Variants in CCNY observed in about 807,000 individuals in gnomAD.
CCNY encodes cyclin-Y.
Under a neutral mutation model 42.8 loss-of-function variants are expected in CCNY, and 19 were observed. The ratio of observed to expected loss-of-function variants is 0.44; its 90% CI spans 0.31 to 0.65. The LOEUF (loss-of-function observed/expected upper bound fraction) is 0.65. Ranked by LOEUF, CCNY falls within the 30% of genes least tolerant of loss-of-function variation. CCNY has a pLI of 0.07. For missense variants in CCNY, 370 were observed against 437.3 expected (o/e 0.85, Z 1.37); for synonymous variants, 165 against 162.7 (o/e 1.01, Z -0.11).
chr10:35,279,062 G>A (rs1258458694), intron 3 of CCNY, among the ~76,000 whole-genome samples: 1 of 150,392 alleles, frequency 6.6e-6, no homozygotes, highest in African/African-American at 2.5e-5. Flanking sequence ...TGTTAGAGTC[G>A]TGATTAAAAC....
At chr10:35,406,189 TTTTC>T (rs1837757819) in intron 1 of CCNY, among the ~76,000 whole-genome samples, 1 of 147,548 alleles carries the variant, frequency 6.8e-6, no homozygotes, top group Non-Finnish European at 1.5e-5. Context: ...TTCTTTTTTT[TTTTC>T]TTTTTTATTT....
chr10:35,283,194 TG>T (rs1835316630), intron 3 of CCNY, among the ~76,000 whole-genome samples: 2 of 152,302 alleles, frequency 1.3e-5, no homozygotes, highest in South Asian at 4.1e-4. Context: ...TGACACTAGA[TG>T]ATAAAAACTA....
At chr10:35,266,493 C>G (rs2095725675) in intron 3 of CCNY, among the ~76,000 whole-genome samples, 2 of 151,994 alleles carry the variant, frequency 1.3e-5, no homozygotes, top group Admixed American at 6.6e-5. Context: ...CATTCTCTCT[C>G]TCACGCGTGG....
At chr10:35,388,819 C>T (rs1837349828) in intron 1 of CCNY, among the ~76,000 whole-genome samples, 1 of 152,194 alleles carries the variant, frequency 6.6e-6, no homozygotes, top group Non-Finnish European at 1.5e-5. Context: ...TGGAGGCTCT[C>T]AGGGAGAATC....
At chr10:35,453,301 A>G (rs934896277) in intron 1 of CCNY, among the ~76,000 whole-genome samples, 1 of 152,230 alleles carries the variant, frequency 6.6e-6, no homozygotes, top group Non-Finnish European at 1.5e-5. Flanking sequence ...CCAATTACAA[A>G]TGTATTGAAC....
At chr10:35,294,901 A>T (rs1451993107) in intron 3 of CCNY, among the ~76,000 whole-genome samples, 1 of 152,208 alleles carries the variant, frequency 6.6e-6, no homozygotes, top group Non-Finnish European at 1.5e-5. Flanking sequence ...TTTTCTGATG[A>T]TTAATTTAAT....
intron 1 of CCNY, among the ~76,000 whole-genome samples, chr10:35,342,556 CCA>C (rs1408310843): frequency 6.6e-6 from 1 of 152,002 alleles, no homozygotes; most frequent in African/African-American, 2.4e-5. Flanking sequence ...TCGTTTGCTT[CCA>C]CACACCCATT....
chr10:35,409,765 A>G (rs1035247695), intron 1 of CCNY, among the ~76,000 whole-genome samples: 3 of 152,130 alleles, frequency 2.0e-5, no homozygotes, highest in Non-Finnish European at 2.9e-5. Context: ...GTTTTGTTTT[A>G]TTTTGTTGAG....
intron 7 of CCNY, among the ~76,000 whole-genome samples, chr10:35,532,682 G>T (rs1246888249): frequency 6.6e-6 from 1 of 152,192 alleles, no homozygotes; most frequent in East Asian, 1.9e-4. Context: ...TGTACCTGCA[G>T]CAGCTGGAGG....
intron 3 of CCNY, among the ~76,000 whole-genome samples, chr10:35,252,733 C>T (rs1210860598): frequency 3.3e-5 from 5 of 152,010 alleles, no homozygotes; most frequent in African/African-American, 4.8e-5. Context: ...GTAAATAAAG[C>T]GGCTTGATAT....
chr10:35,408,180 G>T (rs565031298), intron 1 of CCNY, among the ~76,000 whole-genome samples: 24 of 152,298 alleles, frequency 1.6e-4, no homozygotes, highest in African/African-American at 5.5e-4. Context: ...ATGTTCCTTG[G>T]GCTGGTTAGT....
chr10:35,520,635 C>T (rs566736653), intron 4 of CCNY, among the ~76,000 whole-genome samples: 2 of 152,208 alleles, frequency 1.3e-5, no homozygotes, highest in Admixed American at 6.5e-5. Flanking sequence ...CAGAAATAAA[C>T]GTATTTGCAA....
intron 2 of CCNY, among the ~76,000 whole-genome samples, chr10:35,501,124 G>A (rs1190748774): frequency 1.3e-5 from 2 of 152,218 alleles, no homozygotes; most frequent in East Asian, 3.9e-4. Flanking sequence ...GAGCTTTATG[G>A]GTCTGGTAGG....
At chr10:35,293,092 A>G (rs1835434297) in intron 3 of CCNY, among the ~76,000 whole-genome samples, 1 of 152,096 alleles carries the variant, frequency 6.6e-6, no homozygotes, top group Admixed American at 6.6e-5. Context: ...TTATCCTCTA[A>G]GAGTTTTATA....
chr10:35,258,463 T>G (rs1336375754), intron 3 of CCNY, among the ~76,000 whole-genome samples: 1 of 152,168 alleles, frequency 6.6e-6, no homozygotes, highest in Non-Finnish European at 1.5e-5. Flanking sequence ...GTGCTGGCCC[T>G]TCATTTCCAG....
At chr10:35,480,533 T>A (rs1462813177) in intron 1 of CCNY, among the ~76,000 whole-genome samples, 3 of 152,152 alleles carry the variant, frequency 2.0e-5, no homozygotes. Flanking sequence ...TCTTGGTGAC[T>A]CTGTGTGAAT....
At chr10:35,350,685 G>A (rs1186308534) in intron 1 of CCNY, among the ~76,000 whole-genome samples, 1 of 152,218 alleles carries the variant, frequency 6.6e-6, no homozygotes. Context: ...CCCTTGGTTT[G>A]TTGCATCTCT....
rs141921095 is a variant in CCNY, at chr10:35,445,275, C to T, written c.155-38129C>T. Among the ~76,000 whole-genome samples, 3 of 152,272 alleles carry T rather than the reference C, an allele frequency of 2.0e-5. 1 individual carries two copies. The highest frequency in any genetic ancestry group is 4.1e-4 in the South Asian group (2 of 4,826). Reference sequence around the variant, plus strand: ...CAAGTTCCAGGTAGAGCCATGCTGCCGCCCTGCTCTTCTGCCTCCCACTCT... The same window carrying T: ...CAAGTTCCAGGTAGAGCCATGCTGCTGCCCTGCTCTTCTGCCTCCCACTCT... On this transcript the variant is annotated intron_variant, in intron 1 of 9. Coordinates refer to ENST00000374704, the MANE Select transcript of CCNY (RefSeq NM_145012.6).
At chr10:35,366,572 C>T (rs1181365704) in intron 1 of CCNY, among the ~76,000 whole-genome samples, 2 of 152,190 alleles carry the variant, frequency 1.3e-5, no homozygotes, top group African/African-American at 2.4e-5. Context: ...CAAGGTTTTT[C>T]AGCAGTTGCT....
Sources: allele counts gnomAD v4.1 joint callset (sites outside exome capture counted in the v4.1 genomes callset), GRCh38; gene constraint gnomAD v4.1.1; transcripts MANE v1.5; gene names NCBI Gene and HGNC (gene_info 2026-07-23, HGNC 2026-07-21).